The following SLC39A11 variants were observed in gnomAD, a reference collection of about 807,000 sequenced individuals.
The protein encoded by SLC39A11 is zinc transporter ZIP11.
In SLC39A11, 33 loss-of-function variants were observed where a neutral mutation model predicts 36.1. That is an observed-to-expected ratio of 0.91 (90% CI 0.69 to 1.22). The LOEUF (loss-of-function observed/expected upper bound fraction) is 1.22. Ranked by LOEUF, SLC39A11 falls within the 50% of genes most tolerant of loss-of-function variation. The pLI is 0.00. For synonymous variants in SLC39A11, 166 were observed against 170.3 expected (o/e 0.97, Z 0.20); for missense variants, 432 against 430.3 (o/e 1.00, Z -0.03).
intron 5 of SLC39A11, among the ~76,000 whole-genome samples, chr17:72,861,657 TTATA>T (rs373265286): frequency 0.1 from 5,335 of 50,850 alleles, 375 homozygotes; most frequent in South Asian, 0.27. Flanking sequence ...ATACAACACA[TTATA>T]TATATATATA....
chr17:72,693,281 C>T (rs1419968938), intron 7 of SLC39A11, among the ~76,000 whole-genome samples: 1 of 115,510 alleles, frequency 8.7e-6, no homozygotes, highest in Non-Finnish European at 2.0e-5. Context: ...TCAGGTGCCC[C>T]CACTTCTACA....
Position 72,856,037 on chromosome 17 carries a change from C to CT in SLC39A11, c.431-6234dup, listed in dbSNP as rs1362234381. Reference sequence around the variant, plus strand: ...ATGGGAACTTTTGGCTATTTCTAGACTTTTTTTCTTATAAATATCACTGTA... The same window carrying CT: ...ATGGGAACTTTTGGCTATTTCTAGACTTTTTTTTCTTATAAATATCACTGTA... On this transcript the variant is annotated intron_variant, in intron 5 of 9. Coordinates refer to ENST00000255559, the MANE Select transcript of SLC39A11 (RefSeq NM_139177.4). 2.4e-4 allele frequency among the ~76,000 whole-genome samples: 36 copies of CT among 152,084 alleles called. 1 individual carries two copies. The highest frequency in any genetic ancestry group is 2.4e-3 in the Admixed American group (36 of 15,274).
intron 4 of SLC39A11, among the ~76,000 whole-genome samples, chr17:72,988,680 T>A (rs367947539): frequency 2.6e-4 from 40 of 152,124 alleles, no homozygotes; most frequent in African/African-American, 9.2e-4. Context: ...TCTGTTTCTA[T>A]GAATTGTGTT....
intron 4 of SLC39A11, among the ~76,000 whole-genome samples, chr17:73,010,221 G>T (rs2090438752): frequency 6.6e-6 from 1 of 152,092 alleles, no homozygotes; most frequent in African/African-American, 2.4e-5. Flanking sequence ...CCTGCATTTT[G>T]TTAGGTGATT....
chr17:72,996,311 TC>T (rs1187950507), intron 4 of SLC39A11, among the ~76,000 whole-genome samples: 1 of 152,220 alleles, frequency 6.6e-6, no homozygotes, highest in African/African-American at 2.4e-5. Flanking sequence ...TCCACGTTCT[TC>T]CCATGGCCTT....
intron 4 of SLC39A11, among the ~76,000 whole-genome samples, chr17:73,027,329 C>T (rs560020087): frequency 6.6e-6 from 1 of 152,348 alleles, no homozygotes; most frequent in African/African-American, 2.4e-5. Flanking sequence ...CGACCCCTCA[C>T]CAGCCTCCTC....
intron 5 of SLC39A11, among the ~76,000 whole-genome samples, chr17:72,888,927 A>G (rs1302044534): frequency 6.6e-6 from 1 of 151,102 alleles, no homozygotes; most frequent in Non-Finnish European, 1.5e-5. Context: ...GAAAAGAAAA[A>G]ACGAAAGTGT....
At chr17:72,982,610 C>T (rs998778291) in intron 4 of SLC39A11, among the ~76,000 whole-genome samples, 4 of 151,710 alleles carry the variant, frequency 2.6e-5, no homozygotes, top group Middle Eastern at 3.4e-3. Context: ...GATTTTGTTT[C>T]TTTAAAGTGG....
rs370459927 is a variant in SLC39A11 at position 73,089,588 on chromosome 17, C to T, written c.-11-813G>A. ...TTGGTCCTCTCTCAGTGTGGCTTTGCCTCCATCTTTTACAGCCTTAGTTGC... is the reference window on the plus strand; with the variant it reads ...TTGGTCCTCTCTCAGTGTGGCTTTGTCTCCATCTTTTACAGCCTTAGTTGC... On this transcript the variant is annotated intron_variant, in intron 1 of 9. Transcript: ENST00000255559. 419 of 152,592 alleles carry T rather than the reference C, an allele frequency of 2.7e-3. 2 individuals are homozygous for T. The highest frequency in any genetic ancestry group is 4.1e-3 in the Non-Finnish European group (280 of 68,114). 9.5% of individuals were successfully genotyped at this position (152,592 alleles called of 1,614,324 possible).
At chr17:72,751,577 A>G (rs1219547343) in intron 6 of SLC39A11, among the ~76,000 whole-genome samples, 2 of 151,784 alleles carry the variant, frequency 1.3e-5, no homozygotes, top group Non-Finnish European at 2.9e-5. Context: ...CCATCTCCAG[A>G]GCTCTTTGGT....
chr17:72,685,315 C>T lies in SLC39A11; in HGVS notation c.672-36047G>A, dbSNP rs144150064. ...CTCGTTTAGGAAGGGTGTTTAGAGG[C>T]GGACTCTTTGAAAAGGTGCAACTGC... On this transcript the variant is annotated intron_variant, in intron 7 of 9. Coordinates refer to ENST00000255559, the MANE Select transcript of SLC39A11 (RefSeq NM_139177.4). 1.9e-4 allele frequency among the ~76,000 whole-genome samples: 9 copies of T among 46,194 alleles called. No homozygotes were observed. The East Asian group carries it at 3.0e-3, about 15-fold the overall frequency. 30.3% of individuals were successfully genotyped at this position (46,194 alleles called of 152,430 possible).
chr17:72,701,860 G>A (rs1191739644), intron 7 of SLC39A11, among the ~76,000 whole-genome samples: 1 of 152,144 alleles, frequency 6.6e-6, no homozygotes, highest in African/African-American at 2.4e-5. Context: ...CAGCACTGTG[G>A]GAAGCTGAGG....
At chr17:73,060,797 TC>T (rs1445749384) in intron 3 of SLC39A11, among the ~76,000 whole-genome samples, 2 of 152,168 alleles carry the variant, frequency 1.3e-5, no homozygotes, top group African/African-American at 4.8e-5. Flanking sequence ...TGATACGTGA[TC>T]AGCCATAATT....
chr17:72,783,313 T>G (rs887218156), intron 6 of SLC39A11, among the ~76,000 whole-genome samples: 3 of 152,212 alleles, frequency 2.0e-5, no homozygotes, highest in African/African-American at 7.2e-5. Flanking sequence ...TTATAGAAGC[T>G]GTAACAGACT....
At chr17:72,903,252 C>G (rs2082485445) in intron 5 of SLC39A11, among the ~76,000 whole-genome samples, 1 of 110,030 alleles carries the variant, frequency 9.1e-6, no homozygotes, top group African/African-American at 3.7e-5. Flanking sequence ...GGCAACAGAG[C>G]AAGACTCTGT....
At chr17:72,898,636 A>G (rs1383371334) in intron 5 of SLC39A11, among the ~76,000 whole-genome samples, 1 of 152,254 alleles carries the variant, frequency 6.6e-6, no homozygotes, top group Non-Finnish European at 1.5e-5. Flanking sequence ...ATGCATATAC[A>G]CAGTGCATAC....
At position 73,004,206 on chromosome 17, in the gene SLC39A11, A is replaced by AGGAAAGAAAGAAAG. The variant is rs1206804646; in HGVS notation, c.306+27349_306+27350insCTTTCTTTCTTTCC. Among the ~76,000 whole-genome samples the AGGAAAGAAAGAAAG allele has an allele frequency of 7.1e-4, 91 of 128,780 alleles. 3 individuals carry two copies. The highest frequency in any genetic ancestry group is 1.9e-3 in the African/African-American group (67 of 35,516). 84.5% of individuals were successfully genotyped at this position (128,780 alleles called of 152,430 possible). A position where few individuals can be genotyped will look rare whatever the true frequency, so the allele number is the denominator to read the frequency against. On this transcript the variant is annotated intron_variant, in intron 4 of 9. Coordinates refer to ENST00000255559, the MANE Select transcript of SLC39A11 (RefSeq NM_139177.4). ...AAGAAAGAAAGAAAGAAAGAAAGAA[A>AGGAAAGAAAGAAAG]GAAAGAAAGAAAGAAAGAAAGAAAG...
chr17:73,020,146 G>A (rs997899240), intron 4 of SLC39A11, among the ~76,000 whole-genome samples: 1 of 152,216 alleles, frequency 6.6e-6, no homozygotes, highest in Admixed American at 6.5e-5. Context: ...GGGACAGAAT[G>A]TCCTCGCATT....
chr17:72,744,710 G>C (rs549013310), intron 6 of SLC39A11, among the ~76,000 whole-genome samples: 2 of 152,088 alleles, frequency 1.3e-5, no homozygotes, highest in Admixed American at 1.3e-4. Context: ...GGGTGAGGGG[G>C]CCTCTCTCTC....
Sources: gnomAD v4.1 joint callset for allele counts (sites outside exome capture counted in the v4.1 genomes callset) on GRCh38, gnomAD v4.1.1 for gene constraint, MANE v1.5 for transcripts, NCBI Gene and HGNC (gene_info 2026-07-23, HGNC 2026-07-21) for gene names.